The following CDH13 variants were observed in gnomAD, a reference collection of about 807,000 sequenced individuals.
CDH13 encodes the protein cadherin 13.
CDH13 carries 24 observed loss-of-function variants against 63.8 expected under a neutral mutation model. The observed-to-expected ratio is 0.38, with a 90% confidence interval of 0.27 to 0.53. The LOEUF (loss-of-function observed/expected upper bound fraction) is 0.53. Among genes scored for constraint, CDH13 ranks in the 20% least tolerant of loss-of-function variants. The pLI, the probability that CDH13 is intolerant of heterozygous loss-of-function variation, is 0.85. For missense variants in CDH13, 1,049 were observed against 903.1 expected, an observed-to-expected ratio of 1.16 and a Z score of -2.07; for synonymous variants, 503 against 355.3, an observed-to-expected ratio of 1.42 and a Z score of -4.67.
At chr16:82,678,584 A>G (rs1226366428) in intron 1 of CDH13, among the ~76,000 whole-genome samples, 1 of 152,208 alleles carries the variant, frequency 6.6e-6, no homozygotes, top group Non-Finnish European at 1.5e-5. Flanking sequence ...AGCTTGAGTG[A>G]CTGGTAAGGA....
chr16:82,917,071 A>C (rs922014158), intron 2 of CDH13, among the ~76,000 whole-genome samples: 2 of 152,242 alleles, frequency 1.3e-5, no homozygotes, highest in African/African-American at 4.8e-5. Context: ...CTTTTAAACC[A>C]CTGTGACAGG....
intron 2 of CDH13, among the ~76,000 whole-genome samples, chr16:82,956,399 C>G (rs1180770248): frequency 6.6e-6 from 1 of 152,120 alleles, no homozygotes; most frequent in Non-Finnish European, 1.5e-5. Context: ...GGATTATTTT[C>G]AAGCTCAGAT....
intron 1 of CDH13, among the ~76,000 whole-genome samples, chr16:82,758,367 G>C (rs1282266365): frequency 2.0e-5 from 3 of 152,144 alleles, no homozygotes; most frequent in African/African-American, 7.2e-5. Context: ...GGAAAGTTAA[G>C]GTCCTAACTT....
At chr16:83,406,465 C>T (rs943534381) in intron 6 of CDH13, among the ~76,000 whole-genome samples, 21 of 147,724 alleles carry the variant, frequency 1.4e-4, no homozygotes, top group Non-Finnish European at 7.5e-5. Context: ...CTTTTTCTCT[C>T]TCTCTCTTTC....
chr16:83,426,348 C>A (rs991241814), intron 6 of CDH13, among the ~76,000 whole-genome samples: 1 of 152,112 alleles, frequency 6.6e-6, no homozygotes, highest in Non-Finnish European at 1.5e-5. Flanking sequence ...ATGTTTCTCT[C>A]CCCCTCATTT....
At chr16:82,869,695 T>C (rs912700214) in intron 2 of CDH13, among the ~76,000 whole-genome samples, 2 of 152,164 alleles carry the variant, frequency 1.3e-5, no homozygotes, top group Admixed American at 6.5e-5. Flanking sequence ...AGTGAACTCA[T>C]TTTTGACAAA....
At chr16:83,588,459 T>A (rs1906393363) in intron 7 of CDH13, among the ~76,000 whole-genome samples, 1 of 152,178 alleles carries the variant, frequency 6.6e-6, no homozygotes, top group African/African-American at 2.4e-5. Context: ...AGATTTAGAA[T>A]AAGTTCAACT....
chr16:83,791,061 T>C (rs528153652), intron 13 of CDH13, among the ~76,000 whole-genome samples: 13 of 152,092 alleles, frequency 8.5e-5, no homozygotes, highest in African/African-American at 2.7e-4. Context: ...CTCATGCCTG[T>C]AATCCCAGCA....
chr16:82,883,965 G>C (rs1204038703), intron 2 of CDH13, among the ~76,000 whole-genome samples: 1 of 152,024 alleles, frequency 6.6e-6, no homozygotes, highest in African/African-American at 2.4e-5. Flanking sequence ...TAGTACCTCA[G>C]TTTCCTCCTC....
chr16:83,099,932 A>G (rs2034393375), intron 3 of CDH13, among the ~76,000 whole-genome samples: 2 of 152,040 alleles, frequency 1.3e-5, no homozygotes, highest in African/African-American at 4.8e-5. Context: ...GGTTCATTCA[A>G]AGCACCCACA....
intron 1 of CDH13, among the ~76,000 whole-genome samples, chr16:82,821,050 G>C (rs1020067919): frequency 6.6e-6 from 1 of 152,128 alleles, no homozygotes; most frequent in Non-Finnish European, 1.5e-5. Flanking sequence ...TGGAAAGCTG[G>C]AGACCAGCTG....
chr16:82,711,703 T>G (rs1268174815), intron 1 of CDH13, among the ~76,000 whole-genome samples: 1 of 152,202 alleles, frequency 6.6e-6, no homozygotes, highest in Non-Finnish European at 1.5e-5. Context: ...CTACGGCTAT[T>G]CCCATTATGT....
intron 7 of CDH13, among the ~76,000 whole-genome samples, chr16:83,500,339 C>T (rs1347518246): frequency 4.2e-4 from 1 of 2,368 alleles, no homozygotes; most frequent in African/African-American, 4.7e-4. Context: ...CCTCCTCCTC[C>T]TCCTCCTCCT....
intron 1 of CDH13, among the ~76,000 whole-genome samples, chr16:82,766,631 C>G (rs942596151): frequency 6.6e-5 from 10 of 152,164 alleles, no homozygotes; most frequent in Admixed American, 2.6e-4. Flanking sequence ...AGTGGTCACT[C>G]TATCATAATA....
intron 5 of CDH13, among the ~76,000 whole-genome samples, chr16:83,301,911 A>G (rs2089757198): frequency 6.6e-6 from 1 of 152,164 alleles, no homozygotes; most frequent in Admixed American, 6.5e-5. Flanking sequence ...CAGATACTTA[A>G]GAAAATTGGA....
intron 8 of CDH13, among the ~76,000 whole-genome samples, chr16:83,654,189 C>A (rs937580223): frequency 1.3e-5 from 2 of 151,874 alleles, no homozygotes; most frequent in South Asian, 4.2e-4. Context: ...GAATTTGTTC[C>A]GGTTCTTTCT....
intron 1 of CDH13, among the ~76,000 whole-genome samples, chr16:82,718,557 C>G (rs555911789): frequency 3.3e-5 from 5 of 152,250 alleles, no homozygotes; most frequent in African/African-American, 1.2e-4. Context: ...TTGTATTAGT[C>G]CATTTTCACG....
Position 83,143,566 on chromosome 16 carries a change from C to T in CDH13, c.483+18065C>T, listed in dbSNP as rs375889379. 3.5e-4 allele frequency among the ~76,000 whole-genome samples: 54 copies of T among 152,246 alleles called. 2 individuals carry two copies. The South Asian group carries it at 0.011, about 30-fold the overall frequency. The stretch of plus-strand genomic sequence containing the variant: ...GCAATATTTTGAGTTGTTTTATACA[C>T]TAGTTCCTTATCTTAAACAGAAGTT... On this transcript the variant is annotated intron_variant, in intron 4 of 13. Coordinates refer to ENST00000567109, the MANE Select transcript of CDH13 (RefSeq NM_001257.5).
At chr16:82,881,595 G>A (rs986403387) in intron 2 of CDH13, among the ~76,000 whole-genome samples, 5 of 152,296 alleles carry the variant, frequency 3.3e-5, no homozygotes, top group Middle Eastern at 3.4e-3. Context: ...GCTGTCTGCA[G>A]AACCTGGGAA....
Sources: allele counts gnomAD v4.1 joint callset (sites outside exome capture counted in the v4.1 genomes callset), GRCh38; gene constraint gnomAD v4.1.1; transcripts MANE v1.5; gene names NCBI Gene and HGNC (gene_info 2026-07-23, HGNC 2026-07-21).